SPATA7: variants seen among roughly 807,000 people sequenced by gnomAD.
SPATA7 encodes the protein spermatogenesis associated 7, also known as spermatogenesis-associated protein 7.
A neutral mutation model predicts 51.8 loss-of-function variants in SPATA7; 43 were observed. That is an observed-to-expected ratio of 0.83 (90% CI 0.65 to 1.07). SPATA7 has a LOEUF of 1.07. SPATA7 is among the 50% of genes least tolerant of loss of function. SPATA7 has a pLI of 0.00. For synonymous variants in SPATA7, 230 were observed against 252.8 expected, an observed-to-expected ratio of 0.91 and a Z score of 0.86; for missense variants, 683 against 701.3, an observed-to-expected ratio of 0.97 and a Z score of 0.30.
Position 88,391,466 on chromosome 14 carries a change from T to A in SPATA7, c.94+11T>A. Reference sequence around the variant, plus strand: ...GCACCAAAAGTAATGGTAAGTGAGGTGCTTAAAACGGCAGCTTTGTTAGAA... The same window carrying A: ...GCACCAAAAGTAATGGTAAGTGAGGAGCTTAAAACGGCAGCTTTGTTAGAA... On this transcript the variant is annotated intron_variant, in intron 2 of 11. Coordinates refer to ENST00000393545, the MANE Select transcript of SPATA7 (RefSeq NM_018418.5). The A allele has an allele frequency of 6.2e-7, 1 of 1,611,276 alleles. No homozygotes were observed. Among genetic ancestry groups the A allele is most frequent in the East Asian group, 2.2e-5 (1 of 44,812 alleles).
intron 3 of SPATA7, among the ~76,000 whole-genome samples, chr14:88,454,678 C>T (rs550270964): frequency 6.6e-6 from 1 of 151,982 alleles, no homozygotes; most frequent in Admixed American, 6.6e-5. Flanking sequence ...TGTGGTGGCC[C>T]ACAGCTGTAG....
At chr14:88,466,683 CT>C (rs1477957436) in intron 4 of SPATA7, 1 of 152,194 alleles carries the variant, frequency 6.6e-6, no homozygotes, top group Non-Finnish European at 1.5e-5. Flanking sequence ...CACTCTCCCC[CT>C]GTAACTCAGC....
chr14:88,443,623 C>T (rs1365098209), intron 3 of SPATA7, among the ~76,000 whole-genome samples: 1 of 146,362 alleles, frequency 6.8e-6, no homozygotes, highest in Admixed American at 6.8e-5. Flanking sequence ...CCAATGCCAT[C>T]CCTCCCCCGA....
chr14:88,412,363 C>T (rs1207603206), intron 4 of SPATA7, among the ~76,000 whole-genome samples: 2 of 151,988 alleles, frequency 1.3e-5, no homozygotes, highest in African/African-American at 4.8e-5. Flanking sequence ...AGGCCGTCTG[C>T]AGGCTGAGGA....
intron 5 of SPATA7, among the ~76,000 whole-genome samples, chr14:88,417,409 C>A (rs1375543594): frequency 6.7e-6 from 1 of 150,222 alleles, no homozygotes; most frequent in Non-Finnish European, 1.5e-5. Context: ...TGGGTTGAAA[C>A]AATTCTCCTC....
chr14:88,408,030 G>C (rs1043742922), intron 4 of SPATA7, among the ~76,000 whole-genome samples: 7 of 152,170 alleles, frequency 4.6e-5, no homozygotes, highest in African/African-American at 1.4e-4. Flanking sequence ...ATAGTTTGAA[G>C]TCAGGTAGTG....
chr14:88,426,672 A>G lies in SPATA7; in HGVS notation c.813A>G (p.Gln271=), dbSNP rs45472800. 20 of 1,613,522 alleles carry G rather than the reference A, an allele frequency of 1.2e-5. No homozygotes were observed. The highest frequency in any genetic ancestry group is 1.7e-5 in the Non-Finnish European group (20 of 1,180,020). The part of the protein sequence containing the change: ...PAKRKKDFTD[Q]RIEAETQTEL... ...AAAGAAAAAAGGATTTTACAGATCA[A>G]CGGATAGAAGCTGAAACCCAGACTG... The change falls in exon 6 of 12, where the codon CAA becomes CAG. Residue 271 remains glutamine, a synonymous_variant. Coordinates refer to ENST00000393545, the MANE Select transcript of SPATA7 (RefSeq NM_018418.5).
chr14:88,438,102 C>T lies in SPATA7; in HGVS notation c.1480C>T (p.Pro494Ser). The T allele has an allele frequency of 6.2e-7, 1 of 1,614,004 alleles. No individual in the cohort carries two copies. The highest frequency in any genetic ancestry group is 1.1e-5 in the South Asian group (1 of 91,044). Reference sequence around the variant, plus strand: ...CCCTTCACCAACTGAATTTTTCATGCCTATTTATAAATCAAAGCATTCAGA... The same window carrying T: ...CCCTTCACCAACTGAATTTTTCATGTCTATTTATAAATCAAAGCATTCAGA... ...IFPSPTEFFM[P>S]IYKSKHSEGV... Residue 494 changes from proline to serine, a missense_variant, in exon 12 of 12, where the codon CCT (proline) becomes TCT (serine). Coordinates refer to ENST00000393545, the MANE Select transcript of SPATA7 (RefSeq NM_018418.5).
chr14:88,407,551 G>C (rs887167663), intron 4 of SPATA7, among the ~76,000 whole-genome samples: 15 of 152,142 alleles, frequency 9.9e-5, no homozygotes, highest in Non-Finnish European at 4.4e-5. Flanking sequence ...CTCCCATTTT[G>C]TGGGTTGTTT....
At chr14:88,448,839 C>G (rs141088971) in intron 3 of SPATA7, among the ~76,000 whole-genome samples, 36 of 152,126 alleles carry the variant, frequency 2.4e-4, no homozygotes, top group Admixed American at 2.1e-3. Context: ...GCAGTCTGCC[C>G]GTTCTCAGAT....
chr14:88,463,538 A>T (rs1055709208), intron 4 of SPATA7, among the ~76,000 whole-genome samples: 2 of 152,142 alleles, frequency 1.3e-5, no homozygotes, highest in Non-Finnish European at 2.9e-5. Flanking sequence ...TACAGAACAC[A>T]TACAGATACG....
rs1566779741 is a variant in SPATA7, at chr14:88,426,513, G to A, written c.654G>A (p.Ser218=). The A allele has an allele frequency of 3.1e-6, 5 of 1,614,180 alleles. No individual in the cohort carries two copies. Among genetic ancestry groups the A allele is most frequent in the East Asian group, 2.2e-5 (1 of 44,882 alleles). Residue 218 remains serine (S), a synonymous_variant, in exon 6 of 12, where the codon TCG becomes TCA. Transcript: ENST00000393545. Reference sequence around the variant, plus strand: ...CCCACCGGTTTCAGTTAGTCATTTCGAAAGCACCCAGTGGGGATCTTTTGG... The same window carrying A: ...CCCACCGGTTTCAGTTAGTCATTTCAAAAGCACCCAGTGGGGATCTTTTGG... ...PNSHRFQLVI[S]KAPSGDLLDK...
chr14:88,407,929 G>GTTAC (rs1220396846), intron 4 of SPATA7, among the ~76,000 whole-genome samples: 1 of 152,000 alleles, frequency 6.6e-6, no homozygotes, highest in Non-Finnish European at 1.5e-5. Flanking sequence ...GATGTGTGGC[G>GTTAC]TTACTTCTGA....
chr14:88,402,851 C>T (rs760944187), intron 4 of SPATA7, among the ~76,000 whole-genome samples: 4 of 148,610 alleles, frequency 2.7e-5, no homozygotes, highest in Non-Finnish European at 4.4e-5. Flanking sequence ...AGGAAACAAT[C>T]GACAGAGTGC....
chr14:88,387,292 G>C (rs2075607571), intron 1 of SPATA7, among the ~76,000 whole-genome samples: 1 of 151,984 alleles, frequency 6.6e-6, no homozygotes, highest in Non-Finnish European at 1.5e-5. Context: ...TTAAAAATTG[G>C]GTTCATGCCA....
intron 4 of SPATA7, among the ~76,000 whole-genome samples, chr14:88,401,370 T>G (rs2076052071): frequency 1.3e-5 from 2 of 152,194 alleles, no homozygotes; most frequent in Admixed American, 1.3e-4. Flanking sequence ...AAGCTATATA[T>G]GAAAATCTCA....
intron 4 of SPATA7, among the ~76,000 whole-genome samples, chr14:88,405,245 C>G (rs947789115): frequency 6.6e-6 from 1 of 152,158 alleles, no homozygotes; most frequent in Non-Finnish European, 1.5e-5. Context: ...TAGATGAAGT[C>G]ACTGAGATGG....
chr14:88,456,444 T>C (rs572265730), downstream of SPATA7, among the ~76,000 whole-genome samples: 114 of 152,166 alleles, frequency 7.5e-4, no homozygotes, highest in African/African-American at 2.6e-3. Context: ...TATCTCATTG[T>C]GGTTTTGATT....
chr14:88,389,774 C>G (rs1469956873), intron 1 of SPATA7, among the ~76,000 whole-genome samples: 1 of 152,140 alleles, frequency 6.6e-6, no homozygotes, highest in Non-Finnish European at 1.5e-5. Context: ...AGGTTCCAGC[C>G]TTTTTTCATT....
Sources: allele counts gnomAD v4.1 joint callset (sites outside exome capture counted in the v4.1 genomes callset), GRCh38; gene constraint gnomAD v4.1.1; transcripts MANE v1.5; gene names NCBI Gene and HGNC (gene_info 2026-07-23, HGNC 2026-07-21).